Variants in ITGAE observed in about 807,000 individuals in gnomAD.
ITGAE encodes the protein integrin subunit alpha E, also known as integrin alpha-E.
In ITGAE, 99 loss-of-function variants were observed where a neutral mutation model predicts 136.5. The ratio of observed to expected loss-of-function variants is 0.73; its 90% CI spans 0.62 to 0.86. ITGAE has a LOEUF of 0.86. Among genes scored for constraint, ITGAE ranks in the 40% least tolerant of loss-of-function variants. ITGAE has a pLI of 0.00. For synonymous variants in ITGAE, 613 were observed against 591.8 expected, an observed-to-expected ratio of 1.04 and a Z score of -0.52; for missense variants, 1,447 against 1,515.3, an observed-to-expected ratio of 0.95 and a Z score of 0.75.
intron 11 of ITGAE, among the ~76,000 whole-genome samples, chr17:3,755,611 G>A (rs1020587415): frequency 6.6e-6 from 1 of 152,200 alleles, no homozygotes; most frequent in African/African-American, 2.4e-5. Flanking sequence ...TTGTTGCAGT[G>A]AGCCGAGACT....
intron 2 of ITGAE, among the ~76,000 whole-genome samples, chr17:3,771,118 T>A (rs2052410793): frequency 6.6e-6 from 1 of 151,534 alleles, no homozygotes; most frequent in South Asian, 2.1e-4. Flanking sequence ...AGAACATTCA[T>A]CCATCAAAAG....
chr17:3,757,981 C>A, intron 8 of ITGAE, 122 bp from the exon 9 acceptor site: 1 of 1,178,924 alleles, frequency 8.5e-7, no homozygotes, highest in Non-Finnish European at 1.2e-6. Context: ...CCGAAAGACC[C>A]AGAGAAGGGG....
intron 2 of ITGAE, among the ~76,000 whole-genome samples, chr17:3,776,744 T>TG (rs397774339): frequency 0.15 from 22,188 of 151,460 alleles, 2,154 homozygotes; most frequent in African/African-American, 0.27. Flanking sequence ...TTTTTTGAGT[T>TG]GGGGGGGTCT....
At chr17:3,790,874 G>T (rs1159065790) in intron 1 of ITGAE, among the ~76,000 whole-genome samples, 4 of 152,114 alleles carry the variant, frequency 2.6e-5, no homozygotes, top group African/African-American at 9.7e-5. Context: ...ACATTTGGAG[G>T]CCGGGCATGG....
At chr17:3,749,872 C>T (rs1018443990) in intron 16 of ITGAE, among the ~76,000 whole-genome samples, 2 of 151,846 alleles carry the variant, frequency 1.3e-5, no homozygotes, top group Non-Finnish European at 2.9e-5. Flanking sequence ...AAAAATTAGC[C>T]GGGCGTGGTG....
intron 1 of ITGAE, among the ~76,000 whole-genome samples, chr17:3,783,109 T>TAA (rs61580666): frequency 0.055 from 8,380 of 152,238 alleles, 260 homozygotes; most frequent in African/African-American, 0.083. Flanking sequence ...GCCCTCAAGG[T>TAA]GTTTCTCTGT....
At position 3,757,018 on chromosome 17, in the gene ITGAE, C is replaced by T; in HGVS notation, c.1137G>A (p.Leu379=). 6.2e-7 allele frequency: 1 copy of T among 1,614,190 alleles called. No individual in the cohort carries two copies. Among genetic ancestry groups the T allele is most frequent in the Non-Finnish European group, 8.5e-7 (1 of 1,180,024 alleles). ...TGATGATGTTGTACCGCAGTTTGCT[C>T]AGCAGCCCATCCAGCGCCATGTAGT... ...VTNYMALDGL[L]SKLRYNIISM... is the part of the protein sequence containing the mutation. Residue 379 remains leucine, a synonymous_variant, in exon 10 of 31, where the codon CTG becomes CTA. Coordinates refer to ENST00000263087, the MANE Select transcript of ITGAE (RefSeq NM_002208.5).
At chr17:3,795,907 A>G (rs1297849417) in intron 1 of ITGAE, among the ~76,000 whole-genome samples, 24 of 69,336 alleles carry the variant, frequency 3.5e-4, no homozygotes, top group Admixed American at 7.9e-4. Context: ...GCATCTGTGT[A>G]TGCGCATCCG....
At chr17:3,787,324 C>A (rs2052824422) in intron 1 of ITGAE, among the ~76,000 whole-genome samples, 1 of 152,068 alleles carries the variant, frequency 6.6e-6, no homozygotes, top group Admixed American at 6.6e-5. Context: ...GTTGGCCAGG[C>A]TGGTCTTGAA....
At chr17:3,727,869 G>C in intron 26 of ITGAE, 50 bp downstream of exon 26, 2 of 1,108,670 alleles carry the variant, frequency 1.8e-6, no homozygotes, top group Non-Finnish European at 2.8e-6. Flanking sequence ...TTGAGACTCT[G>C]TAGTCACTGT....
chr17:3,746,489 G>A (rs1360058268), intron 17 of ITGAE, among the ~76,000 whole-genome samples: 1 of 146,128 alleles, frequency 6.8e-6, no homozygotes, highest in African/African-American at 2.6e-5. Context: ...ACAGAGTCTC[G>A]CTGTCACCCA....
intron 26 of ITGAE, chr17:3,723,953 G>A (rs769748302): frequency 4.5e-6 from 7 of 1,561,598 alleles, no homozygotes; most frequent in South Asian, 2.3e-5. Flanking sequence ...CTTCGCTCCC[G>A]GGACCTGGGA....
At chr17:3,760,023 T>C in intron 7 of ITGAE, 149 bp downstream of exon 7, 1 of 628,472 alleles carries the variant, frequency 1.6e-6, no homozygotes, top group African/African-American at 1.8e-5. Flanking sequence ...CCAGGGTAAC[T>C]CCAGGCAAGA....
At chr17:3,746,726 G>A (rs1452994055) in intron 17 of ITGAE, among the ~76,000 whole-genome samples, 7 of 152,154 alleles carry the variant, frequency 4.6e-5, no homozygotes, top group African/African-American at 1.7e-4. Flanking sequence ...CCAAAGTGCT[G>A]GGACTACAGG....
At chr17:3,776,208 C>A (rs904041340) in intron 2 of ITGAE, among the ~76,000 whole-genome samples, 4 of 151,992 alleles carry the variant, frequency 2.6e-5, no homozygotes, top group Non-Finnish European at 4.4e-5. Context: ...CGCGCGTGTA[C>A]CACCACGCCC....
chr17:3,777,250 CGT>C (rs1034278832), intron 2 of ITGAE, among the ~76,000 whole-genome samples: 1 of 152,138 alleles, frequency 6.6e-6, no homozygotes, highest in African/African-American at 2.4e-5. Flanking sequence ...CGTGAGCCAC[CGT>C]GCCCGGCCAC....
intron 1 of ITGAE, 117 bp downstream of exon 1, chr17:3,800,993 TA>T: frequency 8.2e-7 from 1 of 1,220,730 alleles, no homozygotes; most frequent in Non-Finnish European, 1.2e-6. Context: ...TGCCACTCTC[TA>T]ACCTCTGGCT....
chr17:3,774,534 T>G (rs527841684), intron 2 of ITGAE, among the ~76,000 whole-genome samples: 12 of 152,040 alleles, frequency 7.9e-5, no homozygotes, highest in Non-Finnish European at 1.5e-4. Context: ...GAGGCCGAAG[T>G]GGGCAGGTCA....
In ITGAE at chr17:3,743,340, C is replaced by T. The variant is rs2051630808; in HGVS notation, c.2448+149G>A. 1.6e-5 allele frequency: 14 copies of T among 876,114 alleles called. No homozygotes were observed. In the South Asian group the frequency reaches 2.8e-4, roughly 17 times the overall value. The allele number at this position is 876,114 out of a possible 1,614,324, so 54.3% of individuals were successfully genotyped here. A position where few individuals can be genotyped will look rare whatever the true frequency, so the allele number is the denominator to read the frequency against. Reference sequence around the variant, plus strand: ...GGACACATTAACACCATCTCAGGGACTCAGTTTCACCATGAGTACGGTGAG... The same window carrying T: ...GGACACATTAACACCATCTCAGGGATTCAGTTTCACCATGAGTACGGTGAG... On this transcript the variant is annotated intron_variant, in intron 19 of 30. Coordinates refer to ENST00000263087, the MANE Select transcript of ITGAE (RefSeq NM_002208.5).
Sources: gnomAD v4.1 joint callset for allele counts (sites outside exome capture counted in the v4.1 genomes callset) on GRCh38, gnomAD v4.1.1 for gene constraint, MANE v1.5 for transcripts, NCBI Gene and HGNC (gene_info 2026-07-23, HGNC 2026-07-21) for gene names.